TCAF1: variants seen among roughly 807,000 people sequenced by gnomAD.
TCAF1 encodes the protein TRPM8 channel-associated factor 1.
A neutral mutation model predicts 27.3 loss-of-function variants in TCAF1; 4 were observed. The observed-to-expected ratio is 0.15, with a 90% CI of 0.07 to 0.34. The LOEUF (loss-of-function observed/expected upper bound fraction) is 0.34, where lower values mean the gene tolerates loss of function less well. TCAF1 is among the 10% of genes least tolerant of loss of function. The pLI, the probability that TCAF1 is intolerant of heterozygous loss-of-function variation, is 1.00. For synonymous variants in TCAF1, 105 were observed against 167.1 expected (o/e 0.63, Z 2.87); for missense variants, 257 against 425.8 (o/e 0.60, Z 3.49).
intron 1 of TCAF1, among the ~76,000 whole-genome samples, chr7:143,880,358 C>T (rs73154275): frequency 6.6e-6 from 1 of 152,018 alleles, no homozygotes; most frequent in African/African-American, 2.4e-5. Context: ...ATCCAGGAAA[C>T]CCAGTGCTGG....
chr7:143,884,924 G>A (rs1316974400), intron 1 of TCAF1: 5 of 853,860 alleles, frequency 5.9e-6, no homozygotes, highest in Non-Finnish European at 7.0e-6. Context: ...ATAAGAGACT[G>A]GTAGAAAGAA....
At position 143,876,151 on chromosome 7, in the gene TCAF1, T is replaced by G. The variant is rs1381380703; in HGVS notation, c.458A>C (p.Gln153Pro). The G allele has an allele frequency of 6.2e-7, 1 of 1,614,094 alleles. No individual in the cohort carries two copies. Among genetic ancestry groups the G allele is most frequent in the South Asian group, 1.1e-5 (1 of 91,082 alleles). ...CCCCTGGTTGGCCCAATCCCAGGCT[T>G]GTCCTCCTATGAGCAAGCCGCCACC... ...KCGGGLLIGGQAWDWANQGED... is the reference protein window; with the variant it reads ...KCGGGLLIGGPAWDWANQGED... Residue 153 changes from glutamine to proline, a missense_variant, in exon 2 of 9, where the codon CAA (glutamine) becomes CCA (proline). Gln to Pro is a moderately conservative substitution (Grantham distance 76). Around this residue, in one of 2 missense-constraint regions of TCAF1, gnomAD observed 255 missense variants for 260.1 expected, o/e 0.98. Coordinates refer to ENST00000479870, the MANE Select transcript of TCAF1 (RefSeq NM_014719.3).
chr7:143,868,668 C>CAT (rs1160717289), intron 2 of TCAF1, among the ~76,000 whole-genome samples: 2 of 45,062 alleles, frequency 4.4e-5, no homozygotes, highest in Non-Finnish European at 9.7e-5. Context: ...AAACAAAACA[C>CAT]ATATATATAT....
chr7:143,894,264 T>C (rs924410561), intron 1 of TCAF1, among the ~76,000 whole-genome samples: 3 of 151,882 alleles, frequency 2.0e-5, no homozygotes, highest in African/African-American at 7.2e-5. Flanking sequence ...AGGATTTTTA[T>C]GGTGAATTTT....
At chr7:143,886,609 A>G in intron 1 of TCAF1, 1 of 854,564 alleles carries the variant, frequency 1.2e-6, no homozygotes, top group Non-Finnish European at 1.4e-6. Flanking sequence ...CAGCAGCCTA[A>G]AGCAGAAAAT....
chr7:143,887,306 C>T (rs893332876), intron 1 of TCAF1, among the ~76,000 whole-genome samples: 1 of 152,056 alleles, frequency 6.6e-6, no homozygotes, highest in African/African-American at 2.4e-5. Context: ...TCAATTCATA[C>T]CTTGAGAAAT....
intron 1 of TCAF1, among the ~76,000 whole-genome samples, chr7:143,885,851 C>T (rs1442949657): frequency 6.6e-6 from 1 of 152,088 alleles, no homozygotes; most frequent in African/African-American, 2.4e-5. Context: ...AAGTGGATTA[C>T]TTGTTATTTT....
intron 1 of TCAF1, among the ~76,000 whole-genome samples, chr7:143,899,567 T>A (rs967540931): frequency 6.6e-6 from 1 of 152,190 alleles, no homozygotes; most frequent in African/African-American, 2.4e-5. Context: ...TAATCTATGA[T>A]CTTGAGAAAA....
intron 1 of TCAF1, among the ~76,000 whole-genome samples, chr7:143,901,678 C>G (rs1469122055): frequency 1.3e-5 from 2 of 152,196 alleles, no homozygotes; most frequent in Admixed American, 1.3e-4. Flanking sequence ...AGGGTTCCTG[C>G]TAGCTCAGAT....
At chr7:143,895,066 G>C (rs1157958451) in intron 1 of TCAF1, among the ~76,000 whole-genome samples, 1 of 151,720 alleles carries the variant, frequency 6.6e-6, no homozygotes, top group Non-Finnish European at 1.5e-5. Flanking sequence ...ATTAACTATA[G>C]TGACAATATC....
chr7:143,894,939 A>C (rs181009074), intron 1 of TCAF1, among the ~76,000 whole-genome samples: 1 of 151,904 alleles, frequency 6.6e-6, no homozygotes, highest in East Asian at 1.9e-4. Context: ...GTGCATCACA[A>C]AATATGGTAT....
rs1813805594 is a variant in TCAF1 at position 143,894,969 on chromosome 7, A to T, written c.-15+6992T>A. Among the ~76,000 whole-genome samples, 11 of 151,868 alleles carry T rather than the reference A, an allele frequency of 7.2e-5. No homozygotes were observed. The South Asian group carries it at 2.3e-3, about 31-fold the overall frequency. On this transcript the variant is annotated intron_variant, in intron 1 of 8. Coordinates refer to ENST00000479870, the MANE Select transcript of TCAF1 (RefSeq NM_014719.3). The stretch of plus-strand genomic sequence containing the variant: ...TGGTATTCAAATGGCCAATAAGCAT[A>T]CAAAAAGATGCTTAATATAATTAGT...
chr7:143,880,598 G>T (rs893354539), intron 1 of TCAF1, among the ~76,000 whole-genome samples: 7 of 152,150 alleles, frequency 4.6e-5, no homozygotes, highest in African/African-American at 1.2e-4. Context: ...ATTCAGTTAA[G>T]CATGTAAACA....
At chr7:143,877,794 T>C (rs542031686) in intron 1 of TCAF1, among the ~76,000 whole-genome samples, 6 of 152,352 alleles carry the variant, frequency 3.9e-5, no homozygotes, top group Admixed American at 6.5e-5. Flanking sequence ...ACCACCTCTG[T>C]CAGTGCGGCC....
intron 1 of TCAF1, among the ~76,000 whole-genome samples, chr7:143,890,341 A>C (rs1813586766): frequency 6.6e-6 from 1 of 152,036 alleles, no homozygotes; most frequent in Non-Finnish European, 1.5e-5. Context: ...AATTCCTAGG[A>C]CCTTCAGTTT....
chr7:143,895,323 T>C (rs1200327764), intron 1 of TCAF1, among the ~76,000 whole-genome samples: 1 of 151,810 alleles, frequency 6.6e-6, no homozygotes, highest in Admixed American at 6.6e-5. Flanking sequence ...ACTTATACAA[T>C]ACTATAGAAA....
intron 1 of TCAF1, among the ~76,000 whole-genome samples, chr7:143,899,948 G>A (rs183321838): frequency 6.6e-6 from 1 of 152,294 alleles, no homozygotes; most frequent in East Asian, 1.9e-4. Flanking sequence ...TTTCATACCT[G>A]CCAGACTGAC....
intron 1 of TCAF1, among the ~76,000 whole-genome samples, chr7:143,886,866 ATT>A (rs56317170): frequency 0.24 from 27,992 of 114,630 alleles, 2,983 homozygotes; most frequent in East Asian, 0.44. Context: ...GAGTTTTTGT[ATT>A]TTTTTTTTTT....
At chr7:143,859,854 G>T (rs1811785971) in intron 6 of TCAF1, among the ~76,000 whole-genome samples, 2 of 108,614 alleles carry the variant, frequency 1.8e-5, no homozygotes, top group African/African-American at 7.2e-5. Context: ...GACCTAAACT[G>T]TTTTATATAC....
Sources: allele counts gnomAD v4.1 joint callset (sites outside exome capture counted in the v4.1 genomes callset), GRCh38; gene constraint gnomAD v4.1.1; regional missense constraint gnomAD v4.1.1; transcripts MANE v1.5; gene names NCBI Gene and HGNC (gene_info 2026-07-23, HGNC 2026-07-21).